RPS6KA6: variants seen among roughly 807,000 people sequenced by gnomAD.
RPS6KA6 encodes ribosomal protein S6 kinase A6, also known as ribosomal protein S6 kinase alpha-6.
RPS6KA6 carries 27 observed loss-of-function variants against 65.4 expected under a neutral mutation model. The observed-to-expected ratio is 0.41, with a 90% CI of 0.30 to 0.57. The LOEUF (loss-of-function observed/expected upper bound fraction) is 0.57, where lower values mean the gene tolerates loss of function less well. Ranked by LOEUF, RPS6KA6 falls within the 20% of genes least tolerant of loss-of-function variation. The probability of loss-of-function intolerance (pLI) is 0.24; values close to 1 mark genes in which losing one functional copy is unlikely to be tolerated. For missense variants in RPS6KA6, 486 were observed against 555.6 expected, an observed-to-expected ratio of 0.87 and a Z score of 1.26; for synonymous variants, 190 against 184.2, an observed-to-expected ratio of 1.03 and a Z score of -0.26.
chrX:84,182,707 GA>G (rs1284126315), intron 1 of RPS6KA6, among the ~76,000 whole-genome samples: 1 of 112,038 alleles, frequency 8.9e-6, no homozygotes, highest in Non-Finnish European at 1.9e-5. Context: ...CTGGCTTAAA[GA>G]AAGATTGACT....
At chrX:84,138,447 G>A (rs1332017005) in intron 6 of RPS6KA6, among the ~76,000 whole-genome samples, 1 of 110,874 alleles carries the variant, frequency 9.0e-6, no homozygotes, top group Non-Finnish European at 1.9e-5. Flanking sequence ...AAGCTATTCG[G>A]GAGGCGGAGG....
intron 11 of RPS6KA6, among the ~76,000 whole-genome samples, 153 bp from the exon 12 acceptor site, chrX:84,116,440 G>T (rs1250927964): frequency 1.8e-5 from 2 of 110,861 alleles, no homozygotes; most frequent in African/African-American, 3.3e-5. Context: ...TTTATTAGCT[G>T]GTCCTTTCAT....
intron 8 of RPS6KA6, among the ~76,000 whole-genome samples, chrX:84,125,698 C>A (rs1038554847): frequency 2.7e-5 from 3 of 109,783 alleles, no homozygotes; most frequent in Non-Finnish European, 3.8e-5. Context: ...CTAAAAATAC[C>A]AAAAAATTAG....
At chrX:84,134,047 A>T (rs967842949) in intron 8 of RPS6KA6, among the ~76,000 whole-genome samples, 4 of 112,382 alleles carry the variant, frequency 3.6e-5, no homozygotes, top group Non-Finnish European at 7.5e-5. Flanking sequence ...CTGTTCAAGC[A>T]TTCAAATAAT....
Position 84,079,306 on chromosome X carries a change from G to A in RPS6KA6, c.1972-14195C>T, listed in dbSNP as rs1043251813. 4.5e-5 allele frequency among the ~76,000 whole-genome samples: 5 copies of A among 111,350 alleles called. No homozygotes were observed. In the Admixed American group the frequency reaches 4.8e-4, roughly 11 times the overall value. ...GACCAGATACTATAATTTTCCCACC[G>A]TCTTTGCAACCCACAGACCAGGAGA... On this transcript the variant is annotated intron_variant, in intron 20 of 21. Coordinates refer to ENST00000262752, the MANE Select transcript of RPS6KA6 (RefSeq NM_014496.5).
intron 12 of RPS6KA6, among the ~76,000 whole-genome samples, chrX:84,113,205 C>T (rs1423322892): frequency 9.0e-6 from 1 of 111,324 alleles, no homozygotes; most frequent in Non-Finnish European, 1.9e-5. Flanking sequence ...CAGGACCACA[C>T]AGGTCTAGAA....
intron 20 of RPS6KA6, among the ~76,000 whole-genome samples, chrX:84,066,971 C>G (rs747608382): frequency 9.0e-6 from 1 of 111,629 alleles, no homozygotes; most frequent in South Asian, 3.8e-4. Flanking sequence ...ACTGGTGATA[C>G]CAAGGTGAAC....
chrX:84,177,233 A>T (rs2035784735), intron 1 of RPS6KA6, among the ~76,000 whole-genome samples: 1 of 112,149 alleles, frequency 8.9e-6, no homozygotes, highest in African/African-American at 3.2e-5. Flanking sequence ...CTTAAATATC[A>T]TTATACAATA....
At chrX:84,087,644 T>A (rs765519189) in intron 20 of RPS6KA6, among the ~76,000 whole-genome samples, 73 of 111,395 alleles carry the variant, frequency 6.6e-4, no homozygotes, top group African/African-American at 2.3e-3. Context: ...TTGTGGTTGA[T>A]CTTCTGGTGG....
intron 3 of RPS6KA6, among the ~76,000 whole-genome samples, chrX:84,151,734 G>A (rs2035329969): frequency 9.0e-6 from 1 of 111,610 alleles, no homozygotes; most frequent in African/African-American, 3.3e-5. Context: ...TTCAAGGATT[G>A]AGATTTAATA....
intron 19 of RPS6KA6, among the ~76,000 whole-genome samples, 177 bp downstream of exon 19, chrX:84,097,595 C>T (rs894185181): frequency 1.4e-4 from 15 of 111,012 alleles, no homozygotes; most frequent in Non-Finnish European, 2.9e-4. Flanking sequence ...ATTAGTAGTG[C>T]CTCATTCTAC....
At chrX:84,126,694 T>G (rs1255353921) in intron 8 of RPS6KA6, among the ~76,000 whole-genome samples, 1 of 111,534 alleles carries the variant, frequency 9.0e-6, no homozygotes, top group Non-Finnish European at 1.9e-5. Flanking sequence ...ACAAGAGGAA[T>G]TTTGTAAACT....
At chrX:84,123,612 G>A (rs1432749699) in intron 8 of RPS6KA6, among the ~76,000 whole-genome samples, 1 of 112,385 alleles carries the variant, frequency 8.9e-6, no homozygotes, top group Admixed American at 9.4e-5. Flanking sequence ...CCTGTGGAGA[G>A]GGGAGGGAAG....
intron 8 of RPS6KA6, among the ~76,000 whole-genome samples, chrX:84,120,923 C>A (rs773036584): frequency 8.9e-6 from 1 of 111,907 alleles, no homozygotes; most frequent in East Asian, 2.8e-4. Context: ...TATAAAGCTA[C>A]GGTAATCAAG....
At chrX:84,088,055 G>A (rs1251981734) in intron 20 of RPS6KA6, among the ~76,000 whole-genome samples, 4 of 111,352 alleles carry the variant, frequency 3.6e-5, no homozygotes, top group African/African-American at 1.3e-4. Flanking sequence ...CCTGTTACCA[G>A]CTATTGTGTT....
At chrX:84,110,047 C>G (rs1392295532) in intron 12 of RPS6KA6, among the ~76,000 whole-genome samples, 1 of 111,445 alleles carries the variant, frequency 9.0e-6, no homozygotes, top group Non-Finnish European at 1.9e-5. Flanking sequence ...CATTGGCAAA[C>G]AGGTGAGTCA....
chrX:84,186,733 C>A (rs2035933258), intron 1 of RPS6KA6: 1 of 110,695 alleles, frequency 9.0e-6, no homozygotes, highest in Non-Finnish European at 1.9e-5. Context: ...AAAGTTGCAC[C>A]CTTTAGATGT....
chrX:84,103,278 A>G (rs1202695761), intron 17 of RPS6KA6, among the ~76,000 whole-genome samples: 1 of 111,122 alleles, frequency 9.0e-6, no homozygotes, highest in Non-Finnish European at 1.9e-5. Context: ...TCCTCAACAA[A>G]GTAAAACAAA....
At chrX:84,150,178 G>A (rs1220434365) in intron 3 of RPS6KA6, among the ~76,000 whole-genome samples, 1 of 111,860 alleles carries the variant, frequency 8.9e-6, no homozygotes, top group Non-Finnish European at 1.9e-5. Flanking sequence ...AGAGAGCTAG[G>A]GAATTGCTCT....
Sources: allele counts gnomAD v4.1 joint callset (sites outside exome capture counted in the v4.1 genomes callset), GRCh38; gene constraint gnomAD v4.1.1; transcripts MANE v1.5; gene names NCBI Gene and HGNC (gene_info 2026-07-23, HGNC 2026-07-21).